Variants in HS3ST4 observed in about 807,000 individuals in gnomAD.
The protein encoded by HS3ST4 is heparan sulfate-glucosamine 3-sulfotransferase 4.
HS3ST4 carries 17 observed loss-of-function variants against 29.2 expected under a neutral mutation model. The observed-to-expected ratio is 0.58, with a 90% confidence interval of 0.40 to 0.87. The LOEUF (loss-of-function observed/expected upper bound fraction) is 0.87, where lower values mean the gene tolerates loss of function less well. Ranked by LOEUF, HS3ST4 falls within the 40% of genes least tolerant of loss-of-function variation. HS3ST4 has a pLI of 0.00. For synonymous variants in HS3ST4, 314 were observed against 285.7 expected (o/e 1.10, Z -1.00); for missense variants, 627 against 634.5 (o/e 0.99, Z 0.13).
rs142180785 is a variant in HS3ST4, at chr16:25,736,746, C to A, written c.734+43595C>A. 1.3e-3 allele frequency among the ~76,000 whole-genome samples: 199 copies of A among 152,304 alleles called. 1 individual carries two copies. Among genetic ancestry groups the A allele is most frequent in the African/African-American group, 4.5e-3 (187 of 41,570 alleles). On this transcript the variant is annotated intron_variant, in intron 1 of 1. Transcript: ENST00000331351. The stretch of plus-strand genomic sequence containing the variant: ...GTTCCCAGTGTCCTCCTCCCCTCCC[C>A]ATACTATCATTCATTGTTCCATCAA...
At chr16:26,073,880 C>T (rs938915232) in intron 1 of HS3ST4, among the ~76,000 whole-genome samples, 1 of 152,270 alleles carries the variant, frequency 6.6e-6, no homozygotes, top group South Asian at 2.1e-4. Flanking sequence ...CTAGTTTTCT[C>T]TACCTCTCGG....
Position 26,136,057 on chromosome 16 carries a change from T to A in HS3ST4, c.1180T>A (p.Phe394Ile), listed in dbSNP as rs1247211236. The A allele has an allele frequency of 6.2e-7, 1 of 1,613,662 alleles. No individual in the cohort carries two copies. The highest frequency in any genetic ancestry group is 8.5e-7 in the Non-Finnish European group (1 of 1,179,836). Residue 394 changes from phenylalanine to isoleucine, a missense_variant, in exon 2 of 2, where the codon TTC (phenylalanine) becomes ATC (isoleucine). By Grantham distance (21) the Phe-to-Ile change is conservative (BLOSUM62 0). This residue lies in a region of HS3ST4 where 225 missense variants were observed against 293.7 expected (regional missense o/e 0.77). Coordinates refer to ENST00000331351, the MANE Select transcript of HS3ST4 (RefSeq NM_006040.3). ...KHFYFNKTKG[F>I]PCLKKPEDSS... ...TTTCTATTTCAACAAAACCAAGGGG[T>A]TCCCTTGCCTAAAGAAGCCAGAAGA...
In HS3ST4 at chr16:25,927,352, G is replaced by T. The variant is rs562607246; in HGVS notation, c.735-208260G>T. 5.1e-4 allele frequency among the ~76,000 whole-genome samples: 78 copies of T among 152,302 alleles called. 1 individual carries two copies. Among genetic ancestry groups the T allele is most frequent in the Non-Finnish European group, 4.6e-4 (31 of 68,024 alleles). ...CAAAGAAAGAAGAAGATGTAGGATG[G>T]GCTTGTGACATTTTGACCTTCCATG... On this transcript the variant is annotated intron_variant, in intron 1 of 1. Transcript: ENST00000331351.
intron 1 of HS3ST4, among the ~76,000 whole-genome samples, chr16:25,795,359 C>G (rs1966881509): frequency 6.6e-6 from 1 of 152,110 alleles, no homozygotes; most frequent in South Asian, 2.1e-4. Flanking sequence ...TTCCAGCTCT[C>G]TTCACCTTTG....
In HS3ST4 at chr16:26,136,446, GC is replaced by G. The variant is rs1383774827; in HGVS notation, c.*201del. 5.0e-6 allele frequency: 3 copies of G among 597,686 alleles called. No individual in the cohort carries two copies. In the Admixed American group the frequency reaches 9.2e-5, roughly 18 times the overall value. 37.0% of individuals were successfully genotyped at this position (597,686 alleles called of 1,614,324 possible). ...CATGGCATCCCCATGGAGGAACCAGGCCCATCTGGGCAGCAGCATCTGGTTG... is the reference window on the plus strand; with the variant it reads ...CATGGCATCCCCATGGAGGAACCAGGCCATCTGGGCAGCAGCATCTGGTTG... On this transcript the variant is annotated 3_prime_UTR_variant, in exon 2 of 2. Coordinates refer to ENST00000331351, the MANE Select transcript of HS3ST4 (RefSeq NM_006040.3).
intron 1 of HS3ST4, among the ~76,000 whole-genome samples, chr16:25,800,064 G>T (rs1207269004): frequency 6.1e-5 from 9 of 147,748 alleles, no homozygotes; most frequent in East Asian, 6.0e-4. Context: ...TTGCCTTCCT[G>T]CCTTCCTTCC....
intron 1 of HS3ST4, among the ~76,000 whole-genome samples, chr16:26,082,561 C>T (rs75359009): frequency 0.049 from 7,466 of 152,292 alleles, 272 homozygotes; most frequent in Middle Eastern, 0.12. Flanking sequence ...GTAGACATTA[C>T]TCATGAATAC....
intron 1 of HS3ST4, among the ~76,000 whole-genome samples, chr16:26,043,866 G>A (rs1010292389): frequency 1.3e-5 from 2 of 152,026 alleles, no homozygotes; most frequent in Non-Finnish European, 2.9e-5. Flanking sequence ...TTCAAATTCT[G>A]CCTCCCCCTC....
chr16:25,709,902 A>G (rs1966404523), intron 1 of HS3ST4, among the ~76,000 whole-genome samples: 1 of 152,194 alleles, frequency 6.6e-6, no homozygotes, highest in Non-Finnish European at 1.5e-5. Flanking sequence ...GGAATTGTGT[A>G]TCTTACAAGA....
intron 1 of HS3ST4, among the ~76,000 whole-genome samples, chr16:26,046,185 CT>C (rs1222653227): frequency 7.4e-6 from 1 of 135,154 alleles, no homozygotes; most frequent in Non-Finnish European, 1.5e-5. Flanking sequence ...GAGTATCGCT[CT>C]ATCGCCCAGG....
At chr16:25,975,617 G>A (rs1171766681) in intron 1 of HS3ST4, among the ~76,000 whole-genome samples, 1 of 152,082 alleles carries the variant, frequency 6.6e-6, no homozygotes, top group African/African-American at 2.4e-5. Flanking sequence ...TAACCTCACT[G>A]GTCTGAGCCA....
intron 1 of HS3ST4, among the ~76,000 whole-genome samples, chr16:25,993,350 TG>T (rs757554491): frequency 3.9e-5 from 6 of 152,120 alleles, no homozygotes; most frequent in Admixed American, 6.5e-5. Flanking sequence ...GTGGACCCTG[TG>T]CTCCATCTAG....
rs1385399955 is a variant in HS3ST4 at position 25,857,940 on chromosome 16, CTT to C, written c.734+164791_734+164792del. Among the ~76,000 whole-genome samples, 30 of 50,328 alleles carry C rather than the reference CTT, an allele frequency of 6.0e-4. No homozygotes were observed. The South Asian group carries it at 0.015, about 24-fold the overall frequency. The allele number at this position is 50,328 out of a possible 152,430, so 33.0% of individuals were successfully genotyped here. A position where few individuals can be genotyped will look rare whatever the true frequency, so the allele number is the denominator to read the frequency against. On this transcript the variant is annotated intron_variant, in intron 1 of 1. Transcript: ENST00000331351. ...CCTTCCTTTCTTTCTTTCTTTCTTTCTTTCTTTCTTTCTTTCTTTCTTTCTTT... is the reference window on the plus strand; with the variant it reads ...CCTTCCTTTCTTTCTTTCTTTCTTTCTCTTTCTTTCTTTCTTTCTTTCTTT...
At chr16:25,750,243 C>G (rs1966710378) in intron 1 of HS3ST4, among the ~76,000 whole-genome samples, 1 of 152,146 alleles carries the variant, frequency 6.6e-6, no homozygotes. Flanking sequence ...GCATGGAGAC[C>G]TCAGAGTAGT....
At chr16:26,096,577 A>G (rs1292185306) in intron 1 of HS3ST4, among the ~76,000 whole-genome samples, 1 of 152,190 alleles carries the variant, frequency 6.6e-6, no homozygotes, top group South Asian at 2.1e-4. Context: ...AATAAACTAG[A>G]TATTGATAGA....
intron 1 of HS3ST4, among the ~76,000 whole-genome samples, chr16:25,738,829 C>T (rs972643776): frequency 6.6e-6 from 1 of 152,166 alleles, no homozygotes; most frequent in Non-Finnish European, 1.5e-5. Flanking sequence ...ACCATACTCT[C>T]TGATTACTGT....
In HS3ST4 at chr16:26,106,915, A is replaced by G. The variant is rs191183363; in HGVS notation, c.735-28697A>G. 2.0e-5 allele frequency among the ~76,000 whole-genome samples: 3 copies of G among 152,144 alleles called. No homozygotes were observed. In the East Asian group the frequency reaches 5.8e-4, roughly 29 times the overall value. ...CTTAGGCAAAGCCAAAACAGCAACA[A>G]CTGATATTTCACATCAGCATGTGCT... On this transcript the variant is annotated intron_variant, in intron 1 of 1. Coordinates refer to ENST00000331351, the MANE Select transcript of HS3ST4 (RefSeq NM_006040.3).
intron 1 of HS3ST4, among the ~76,000 whole-genome samples, chr16:26,043,750 T>C (rs1466773130): frequency 3.3e-5 from 5 of 152,156 alleles, no homozygotes; most frequent in Non-Finnish European, 7.3e-5. Context: ...TCCGCTATGC[T>C]AGTAAAAAAT....
intron 1 of HS3ST4, among the ~76,000 whole-genome samples, chr16:25,923,205 T>C (rs930186449): frequency 1.2e-4 from 19 of 152,350 alleles, no homozygotes; most frequent in Admixed American, 1.2e-3. Flanking sequence ...AGTTTTCTCT[T>C]CTCTGGAACT....
Sources: allele counts gnomAD v4.1 joint callset (sites outside exome capture counted in the v4.1 genomes callset), GRCh38; gene constraint gnomAD v4.1.1; regional missense constraint gnomAD v4.1.1; transcripts MANE v1.5; gene names NCBI Gene and HGNC (gene_info 2026-07-23, HGNC 2026-07-21).